FBXW7: variants seen among roughly 807,000 people sequenced by gnomAD.
FBXW7 encodes F-box/WD repeat-containing protein 7.
Under a neutral mutation model 86.3 loss-of-function variants are expected in FBXW7, and 11 were observed. That is an observed-to-expected ratio of 0.13 (90% confidence interval 0.08 to 0.21). The LOEUF is 0.21. Among genes scored for constraint, FBXW7 ranks in the 10% least tolerant of loss-of-function variants. The probability of loss-of-function intolerance (pLI) is 1.00; values close to 1 mark genes in which losing one functional copy is unlikely to be tolerated. For missense variants in FBXW7, 488 were observed against 847.4 expected (o/e 0.58, Z 5.27); for synonymous variants, 313 against 297.9 (o/e 1.05, Z -0.52).
intron 4 of FBXW7, among the ~76,000 whole-genome samples, chr4:152,373,750 T>C (rs927817156): frequency 6.6e-6 from 1 of 152,066 alleles, no homozygotes; most frequent in Admixed American, 6.6e-5. Context: ...TAGGTCCATT[T>C]AAGCAGTTAT....
chr4:152,332,113 A>T (rs1273172735), intron 8 of FBXW7, among the ~76,000 whole-genome samples: 1 of 152,044 alleles, frequency 6.6e-6, no homozygotes, highest in Non-Finnish European at 1.5e-5. Context: ...CAAAAACAAA[A>T]AAAACAGTTC....
chr4:152,512,265 T>C (rs1439872983), intron 2 of FBXW7, among the ~76,000 whole-genome samples: 1 of 152,226 alleles, frequency 6.6e-6, no homozygotes, highest in East Asian at 1.9e-4. Flanking sequence ...TTATAATTCA[T>C]ATATAGCACA....
At chr4:152,461,781 A>T (rs1196132321) in intron 2 of FBXW7, among the ~76,000 whole-genome samples, 1 of 152,196 alleles carries the variant, frequency 6.6e-6, no homozygotes, top group Non-Finnish European at 1.5e-5. Context: ...TTTGGTTTTC[A>T]TGTTGTATGA....
At chr4:152,337,994 TA>T in intron 6 of FBXW7, 58 bp from the exon 7 acceptor site, 4 of 1,533,878 alleles carry the variant, frequency 2.6e-6, no homozygotes, top group Admixed American at 4.0e-5. Context: ...ATTACAGGCT[TA>T]TAAAGGAAAA....
chr4:152,321,743 T>C lies in FBXW7; in HGVS notation c.*1138A>G, dbSNP rs940198245. The C allele has an allele frequency of 8.6e-6, 2 of 232,942 alleles. No individual in the cohort carries two copies. Among genetic ancestry groups the C allele is most frequent in the East Asian group, 6.1e-5 (1 of 16,514 alleles). 14.4% of individuals were successfully genotyped at this position (232,942 alleles called of 1,614,324 possible). ...TTAAAATATTTTGTCAGTTTTACGA[T>C]GTACGTTCATCCATTCACCACAGCC... On this transcript the variant is annotated 3_prime_UTR_variant, in exon 14 of 14. Coordinates refer to ENST00000281708, the MANE Select transcript of FBXW7 (RefSeq NM_001349798.2).
intron 4 of FBXW7, among the ~76,000 whole-genome samples, chr4:152,366,027 A>T (rs1733445442): frequency 6.6e-6 from 1 of 152,206 alleles, no homozygotes; most frequent in African/African-American, 2.4e-5. Flanking sequence ...CCTAATCAAC[A>T]ATGGTAGAGC....
chr4:152,405,373 C>T (rs746314052), intron 4 of FBXW7, among the ~76,000 whole-genome samples: 9 of 151,840 alleles, frequency 5.9e-5, no homozygotes, highest in Admixed American at 2.6e-4. Flanking sequence ...ATTTGGACTT[C>T]GATTTGAAGG....
chr4:152,404,199 T>C (rs1159642602), intron 4 of FBXW7, among the ~76,000 whole-genome samples: 1 of 152,206 alleles, frequency 6.6e-6, no homozygotes, highest in Non-Finnish European at 1.5e-5. Context: ...TGACATTTCC[T>C]GTGAGGAACA....
chr4:152,496,650 C>A (rs1172485427), intron 2 of FBXW7, among the ~76,000 whole-genome samples: 1 of 151,502 alleles, frequency 6.6e-6, no homozygotes, highest in Non-Finnish European at 1.5e-5. Flanking sequence ...AAGCAAGACT[C>A]CATCTCAAAA....
intron 2 of FBXW7, among the ~76,000 whole-genome samples, chr4:152,452,259 C>A (rs1392495397): frequency 6.6e-6 from 1 of 152,078 alleles, no homozygotes; most frequent in Non-Finnish European, 1.5e-5. Flanking sequence ...TAAGTCAAAG[C>A]TTTTTGGGGT....
intron 2 of FBXW7, among the ~76,000 whole-genome samples, chr4:152,474,886 G>C (rs985690558): frequency 9.2e-5 from 14 of 151,938 alleles, no homozygotes; most frequent in Admixed American, 9.2e-4. Context: ...GGATGGTCTC[G>C]ATCTCCCGAC....
chr4:152,430,892 T>C (rs1739834947), intron 2 of FBXW7, among the ~76,000 whole-genome samples: 1 of 151,870 alleles, frequency 6.6e-6, no homozygotes, highest in African/African-American at 2.4e-5. Context: ...TCAGGGTATA[T>C]ACCTTTGGTC....
chr4:152,389,744 C>T (rs1192371475), intron 4 of FBXW7, among the ~76,000 whole-genome samples: 2 of 151,822 alleles, frequency 1.3e-5, no homozygotes, highest in Non-Finnish European at 2.9e-5. Context: ...CTAGAGTACC[C>T]CTTAAATTTA....
At chr4:152,421,642 A>G (rs1244836368) in intron 2 of FBXW7, among the ~76,000 whole-genome samples, 2 of 152,210 alleles carry the variant, frequency 1.3e-5, no homozygotes, top group Non-Finnish European at 2.9e-5. Flanking sequence ...TCTGCTTTCA[A>G]CATGCCTTCT....
In FBXW7 at chr4:152,323,021, T is replaced by C. The variant is rs974902950; in HGVS notation, c.1984A>G (p.Thr662Ala). The C allele has an allele frequency of 1.2e-6, 2 of 1,613,832 alleles. No individual in the cohort carries two copies. Among genetic ancestry groups the C allele is most frequent in the African/African-American group, 2.7e-5 (2 of 74,988 alleles). The change falls in exon 14 of 14, where the codon ACA becomes GCA. Residue 662 changes from threonine (T) to alanine (A), a missense_variant. Thr to Ala is a moderately conservative substitution (Grantham distance 58, BLOSUM62 0). This residue lies in a region of FBXW7 where 142 missense variants were observed against 406.6 expected (regional missense o/e 0.35). Coordinates refer to ENST00000281708, the MANE Select transcript of FBXW7 (RefSeq NM_001349798.2). ...CCCCCACTCCCCCCACTCTCCAATG[T>C]GACTAGGTTTCGAATAAATTCACCC... ...KTGEFIRNLV[T>A]LESGGSGGVV...
intron 4 of FBXW7, among the ~76,000 whole-genome samples, chr4:152,355,534 C>G (rs569229517): frequency 6.6e-6 from 1 of 152,220 alleles, no homozygotes; most frequent in Non-Finnish European, 1.5e-5. Flanking sequence ...ATTACTATTT[C>G]ACTATATTAA....
At chr4:152,459,877 A>G (rs79217891) in intron 2 of FBXW7, among the ~76,000 whole-genome samples, 2,084 of 152,356 alleles carry the variant, frequency 0.014, 26 homozygotes, top group Middle Eastern at 0.037. Flanking sequence ...ACAGATAACC[A>G]AAATTGTGGA....
chr4:152,481,683 C>G (rs192709630), intron 2 of FBXW7, among the ~76,000 whole-genome samples: 86 of 152,184 alleles, frequency 5.7e-4, no homozygotes, highest in Admixed American at 3.4e-3. Context: ...GAAGTTGATC[C>G]CAACCCTCAT....
At chr4:152,359,853 G>T (rs547234912) in intron 4 of FBXW7, among the ~76,000 whole-genome samples, 1 of 152,166 alleles carries the variant, frequency 6.6e-6, no homozygotes, top group Admixed American at 6.5e-5. Flanking sequence ...GAGTGAGTCA[G>T]AAAATGGAGA....
Sources: gnomAD v4.1 joint callset for allele counts (sites outside exome capture counted in the v4.1 genomes callset) on GRCh38, gnomAD v4.1.1 for gene constraint, gnomAD v4.1.1 regional missense constraint, MANE v1.5 for transcripts, NCBI Gene and HGNC (gene_info 2026-07-23, HGNC 2026-07-21) for gene names.